CPEB3: variants seen among roughly 807,000 people sequenced by gnomAD.
CPEB3 encodes the protein cytoplasmic polyadenylation element binding protein 3.
A neutral mutation model predicts 67.2 loss-of-function variants in CPEB3; 20 were observed. The ratio of observed to expected loss-of-function variants is 0.30; its 90% CI spans 0.21 to 0.43. The LOEUF is 0.43. Among genes scored for constraint, CPEB3 ranks in the 20% least tolerant of loss-of-function variants. The pLI is 1.00. For synonymous variants in CPEB3, 376 were observed against 393.1 expected (o/e 0.96, Z 0.51); for missense variants, 746 against 968.6 (o/e 0.77, Z 3.05).
chr10:92,185,899 G>C (rs1340403267), intron 3 of CPEB3, among the ~76,000 whole-genome samples: 1 of 152,120 alleles, frequency 6.6e-6, no homozygotes, highest in Non-Finnish European at 1.5e-5. Context: ...ATAAAACTTT[G>C]ATACTAAAAT....
chr10:92,100,267 T>A (rs902282840), intron 7 of CPEB3, among the ~76,000 whole-genome samples: 1 of 151,518 alleles, frequency 6.6e-6, no homozygotes, highest in African/African-American at 2.4e-5. Context: ...AAAACATAGG[T>A]TTTTTTTTGT....
chr10:92,199,336 AGCCGAGATCAT>A (rs1329804786), intron 2 of CPEB3, among the ~76,000 whole-genome samples: 1 of 148,162 alleles, frequency 6.7e-6, no homozygotes, highest in East Asian at 2.0e-4. Flanking sequence ...GGTTGCGGTG[AGCCGAGATCAT>A]GCCATTGCAC....
rs1307815270 is a variant in CPEB3, at chr10:92,240,155, T to C, written c.196A>G (p.Asn66Asp). The part of the protein sequence containing the change: ...LSPAAAPPAP[N>D]GPDKMQMESP... Reference sequence around the variant, plus strand: ...TCCATCTGCATCTTGTCCGGGCCGTTGGGGGCCGGGGGGGCAGCGGCTGGG... The same window carrying C: ...TCCATCTGCATCTTGTCCGGGCCGTCGGGGGCCGGGGGGGCAGCGGCTGGG... The change falls in exon 2 of 10, where the codon AAC becomes GAC. Residue 66 changes from asparagine to aspartate, a missense_variant. Asn to Asp is a conservative substitution (Grantham distance 23). This residue lies in a region of CPEB3 where 643 missense variants were observed against 717.5 expected (regional missense o/e 0.90). Coordinates refer to ENST00000265997, the MANE Select transcript of CPEB3 (RefSeq NM_014912.5). 7 of 1,556,304 alleles carry C rather than the reference T, an allele frequency of 4.5e-6. No individual in the cohort carries two copies. The highest frequency in any genetic ancestry group is 6.1e-6 in the Non-Finnish European group (7 of 1,149,588).
At chr10:92,213,989 T>C (rs1008489996) in intron 2 of CPEB3, among the ~76,000 whole-genome samples, 1 of 152,158 alleles carries the variant, frequency 6.6e-6, no homozygotes, top group Admixed American at 6.6e-5. Flanking sequence ...ACCATACATA[T>C]GACTCAACTT....
In CPEB3 at chr10:92,184,292, T is replaced by C. The variant is rs372987957; in HGVS notation, c.1166-3273A>G. Reference sequence around the variant, plus strand: ...ACTTCAGCAGGTCTCTGGATGAAAGTGAGCAACAAAAGATTTTATAAGAAA... The same window carrying C: ...ACTTCAGCAGGTCTCTGGATGAAAGCGAGCAACAAAAGATTTTATAAGAAA... On this transcript the variant is annotated intron_variant, in intron 3 of 9. Transcript: ENST00000265997. Among the ~76,000 whole-genome samples the C allele has an allele frequency of 2.0e-5, 3 of 152,240 alleles. No homozygotes were observed. The East Asian group carries it at 5.8e-4, about 29-fold the overall frequency.
At chr10:92,130,618 A>G (rs1300404715) in intron 6 of CPEB3, among the ~76,000 whole-genome samples, 1 of 149,672 alleles carries the variant, frequency 6.7e-6, no homozygotes, top group Non-Finnish European at 1.5e-5. Context: ...GAGACAGTCC[A>G]TGTATCTGGC....
chr10:92,163,440 T>G (rs931967863), intron 4 of CPEB3, among the ~76,000 whole-genome samples: 1 of 152,018 alleles, frequency 6.6e-6, no homozygotes, highest in Admixed American at 6.6e-5. Context: ...AAAATTACTT[T>G]CCTTGTGATA....
intron 7 of CPEB3, among the ~76,000 whole-genome samples, chr10:92,094,320 TG>T (rs1390068871): frequency 1.3e-5 from 2 of 150,996 alleles, no homozygotes; most frequent in Non-Finnish European, 3.0e-5. Flanking sequence ...AATGCAGTTC[TG>T]GCTGGGCGCT....
chr10:92,289,823 CATAT>C (rs1235505953), intron 1 of CPEB3, among the ~76,000 whole-genome samples: 1 of 112,378 alleles, frequency 8.9e-6, no homozygotes, highest in African/African-American at 3.3e-5. Context: ...TTATATAATA[CATAT>C]ATATTATATA....
intron 2 of CPEB3, among the ~76,000 whole-genome samples, chr10:92,199,897 G>C (rs7894170): frequency 0.011 from 197 of 18,056 alleles, 2 homozygotes; most frequent in African/African-American, 0.052. Context: ...CAAACACACA[G>C]AGAGAGAGAG....
intron 3 of CPEB3, among the ~76,000 whole-genome samples, chr10:92,189,569 G>A (rs1273919981): frequency 6.6e-6 from 1 of 152,038 alleles, no homozygotes; most frequent in Non-Finnish European, 1.5e-5. Context: ...TCACACCCAG[G>A]TTTCACTGAC....
intron 1 of CPEB3, among the ~76,000 whole-genome samples, chr10:92,276,703 T>C (rs1842004963): frequency 1.3e-5 from 2 of 152,242 alleles, no homozygotes; most frequent in African/African-American, 4.8e-5. Context: ...GGTATATAGC[T>C]GTAAATAGAA....
At chr10:92,214,280 A>G (rs911580524) in intron 2 of CPEB3, among the ~76,000 whole-genome samples, 2 of 152,124 alleles carry the variant, frequency 1.3e-5, no homozygotes, top group Admixed American at 6.6e-5. Flanking sequence ...TGTCATGTGA[A>G]GACTCAGCAT....
chr10:92,085,775 CATTTTTAT>C (rs1843345271), intron 8 of CPEB3, among the ~76,000 whole-genome samples: 1 of 152,010 alleles, frequency 6.6e-6, no homozygotes, highest in African/African-American at 2.4e-5. Context: ...ACGCCCAACT[CATTTTTAT>C]ATTTTTAGTA....
chr10:92,066,133 A>G (rs1367428392), intron 9 of CPEB3, among the ~76,000 whole-genome samples: 1 of 152,088 alleles, frequency 6.6e-6, no homozygotes, highest in African/African-American at 2.4e-5. Context: ...TCCTGAAACT[A>G]TGACTCTTTA....
intron 7 of CPEB3, among the ~76,000 whole-genome samples, chr10:92,097,679 C>T (rs185950117): frequency 1.4e-4 from 22 of 152,240 alleles, no homozygotes; most frequent in Admixed American, 5.9e-4. Flanking sequence ...TTAATAATAT[C>T]AACAGTTAGT....
At chr10:92,216,692 A>G in intron 2 of CPEB3, 1 of 1,605,948 alleles carries the variant, frequency 6.2e-7, no homozygotes, top group Non-Finnish European at 8.5e-7. Flanking sequence ...CACAGGCTCC[A>G]AGCGCCCCAC....
intron 2 of CPEB3, among the ~76,000 whole-genome samples, chr10:92,224,180 G>A (rs949108304): frequency 6.6e-6 from 1 of 152,170 alleles, no homozygotes; most frequent in Non-Finnish European, 1.5e-5. Context: ...GATTACAGGC[G>A]TGAGCCACCG....
chr10:92,246,802 C>G (rs868569073), intron 1 of CPEB3, among the ~76,000 whole-genome samples: 1 of 152,152 alleles, frequency 6.6e-6, no homozygotes, highest in Non-Finnish European at 1.5e-5. Flanking sequence ...GCCACCACGC[C>G]CGGCCTAGGA....
Sources: allele counts gnomAD v4.1 joint callset (sites outside exome capture counted in the v4.1 genomes callset), GRCh38; gene constraint gnomAD v4.1.1; regional missense constraint gnomAD v4.1.1; transcripts MANE v1.5; gene names NCBI Gene and HGNC (gene_info 2026-07-23, HGNC 2026-07-21).